MPPED1: variants seen among roughly 807,000 people sequenced by gnomAD.
MPPED1 encodes metallophosphoesterase domain-containing protein 1.
In MPPED1, 16 loss-of-function variants were observed where a neutral mutation model predicts 36.2. That is an observed-to-expected ratio of 0.44 (90% CI 0.30 to 0.67). MPPED1 has a LOEUF of 0.67. MPPED1 is among the 30% of genes least tolerant of loss of function. The pLI, the probability that MPPED1 is intolerant of heterozygous loss-of-function variation, is 0.10. For synonymous variants in MPPED1, 199 were observed against 191.3 expected, an observed-to-expected ratio of 1.04 and a Z score of -0.33; for missense variants, 307 against 453.4, an observed-to-expected ratio of 0.68 and a Z score of 2.93.
intron 4 of MPPED1, among the ~76,000 whole-genome samples, chr22:43,476,788 G>A (rs1482062673): frequency 2.0e-5 from 3 of 152,146 alleles, no homozygotes; most frequent in South Asian, 2.1e-4. Flanking sequence ...CTGGGCACTT[G>A]AGGATGTGAT....
chr22:43,440,879 C>T (rs1930126632), intron 3 of MPPED1, among the ~76,000 whole-genome samples: 1 of 152,188 alleles, frequency 6.6e-6, no homozygotes, highest in Admixed American at 6.5e-5. Flanking sequence ...GGTTCTGCCA[C>T]AGGCTCCATG....
chr22:43,414,337 C>T (rs1055316784), intron 1 of MPPED1, among the ~76,000 whole-genome samples: 2 of 152,094 alleles, frequency 1.3e-5, no homozygotes, highest in African/African-American at 4.8e-5. Flanking sequence ...ACACATCTCT[C>T]TCTGCTTGTT....
intron 4 of MPPED1, among the ~76,000 whole-genome samples, chr22:43,497,929 G>GTA (rs746068497): frequency 0.012 from 571 of 48,750 alleles, 21 homozygotes; most frequent in East Asian, 0.11. Context: ...ATATATATAT[G>GTA]TATATGTATA....
intron 3 of MPPED1, among the ~76,000 whole-genome samples, chr22:43,452,749 T>C (rs1382527931): frequency 1.3e-5 from 2 of 151,596 alleles, no homozygotes; most frequent in Non-Finnish European, 2.9e-5. Context: ...CCACGTCAGC[T>C]TCCCAAGTAG....
chr22:43,416,547 A>G (rs1929080994), intron 1 of MPPED1: 1 of 152,126 alleles, frequency 6.6e-6, no homozygotes, highest in African/African-American at 2.4e-5. Flanking sequence ...GTTGAGTGTG[A>G]CTTGATATAT....
intron 6 of MPPED1, among the ~76,000 whole-genome samples, chr22:43,505,138 T>C (rs1419192427): frequency 6.6e-6 from 1 of 150,770 alleles, no homozygotes; most frequent in African/African-American, 2.5e-5. Context: ...ACGATAAGGG[T>C]GGTGGTGATG....
chr22:43,413,622 G>A (rs762099399), intron 1 of MPPED1, among the ~76,000 whole-genome samples: 3 of 152,210 alleles, frequency 2.0e-5, no homozygotes, highest in Non-Finnish European at 4.4e-5. Flanking sequence ...CAGTCTGCAG[G>A]GGCCCTCTGT....
intron 3 of MPPED1, among the ~76,000 whole-genome samples, chr22:43,467,538 C>T (rs960898836): frequency 1.7e-4 from 26 of 152,240 alleles, no homozygotes; most frequent in Admixed American, 4.6e-4. Context: ...CAAGACCCCA[C>T]GGTGGCTCAC....
chr22:43,445,558 CTTTTTT>C (rs135055), intron 3 of MPPED1, among the ~76,000 whole-genome samples: 1 of 123,912 alleles, frequency 8.1e-6, no homozygotes, highest in Admixed American at 8.7e-5. Flanking sequence ...CTGATGTTTC[CTTTTTT>C]TTTTTTTTTT....
chr22:43,433,324 C>A (rs1341640083), intron 2 of MPPED1, among the ~76,000 whole-genome samples: 1 of 152,170 alleles, frequency 6.6e-6, no homozygotes, highest in East Asian at 1.9e-4. Context: ...TCTGCTGCCA[C>A]CATCAGTCCC....
chr22:43,436,272 TG>T (rs1929956342), intron 3 of MPPED1, among the ~76,000 whole-genome samples: 1 of 152,228 alleles, frequency 6.6e-6, no homozygotes, highest in South Asian at 2.1e-4. Context: ...CGTGGAGGCG[TG>T]GGTGCGGGGC....
intron 3 of MPPED1, among the ~76,000 whole-genome samples, chr22:43,453,245 C>T (rs140820882): frequency 0.013 from 2,014 of 152,192 alleles, 66 homozygotes; most frequent in African/African-American, 0.046. Context: ...CCACTGTGCC[C>T]GGCCAGTCTT....
chr22:43,418,147 C>T (rs1331990079), intron 1 of MPPED1: 1 of 456,186 alleles, frequency 2.2e-6, no homozygotes, highest in African/African-American at 2.0e-5. Flanking sequence ...CCTTACCGGC[C>T]TGGCACTGGC....
intron 4 of MPPED1, among the ~76,000 whole-genome samples, chr22:43,485,986 C>G (rs1325123027): frequency 6.6e-6 from 1 of 152,246 alleles, no homozygotes; most frequent in Non-Finnish European, 1.5e-5. Context: ...TGCTGTCCAT[C>G]TCCCCCAGCC....
chr22:43,496,306 A>G (rs954133034), intron 4 of MPPED1, among the ~76,000 whole-genome samples: 177 of 3,786 alleles, frequency 0.047, no homozygotes, highest in Middle Eastern at 0.25. Flanking sequence ...TGGTGGAGGT[A>G]GTGGTGGCGG....
At chr22:43,413,911 A>G (rs1928991823) in intron 1 of MPPED1, among the ~76,000 whole-genome samples, 1 of 152,142 alleles carries the variant, frequency 6.6e-6, no homozygotes, top group Non-Finnish European at 1.5e-5. Context: ...GGAATTTCGG[A>G]AGACCTGGAT....
At chr22:43,454,048 G>A (rs566010059) in intron 3 of MPPED1, among the ~76,000 whole-genome samples, 3 of 151,788 alleles carry the variant, frequency 2.0e-5, no homozygotes, top group East Asian at 1.9e-4. Flanking sequence ...TCGCTCTGTC[G>A]CCCAGGCTGG....
At chr22:43,470,359 A>G (rs1569080387) in intron 3 of MPPED1, among the ~76,000 whole-genome samples, 1 of 152,018 alleles carries the variant, frequency 6.6e-6, no homozygotes, top group African/African-American at 2.4e-5. Flanking sequence ...GCATCTATAT[A>G]TCTATCCATC....
rs751399577 is a variant in MPPED1, at chr22:43,502,637, A to T, written c.749-7A>T. On this transcript the variant is annotated splice_region_variant and splice_polypyrimidine_tract_variant and intron_variant, in intron 5 of 6. Transcript: ENST00000443721. The surrounding 1 kb of genome is among the most constrained non-coding windows in gnomAD (Gnocchi z 5.5). ...GTCATGGCCTCCTGTTGTCTCCCCC[A>T]TACCAGGCTTCCTGGACTGGGTCCC... The T allele has an allele frequency of 6.2e-7, 1 of 1,612,426 alleles. No homozygotes were observed. Among genetic ancestry groups the T allele is most frequent in the Non-Finnish European group, 8.5e-7 (1 of 1,179,202 alleles).
Sources: gnomAD v4.1 joint callset for allele counts (sites outside exome capture counted in the v4.1 genomes callset) on GRCh38, gnomAD v4.1.1 for gene constraint, Gnocchi (gnomAD v3.1) non-coding constraint, MANE v1.5 for transcripts, NCBI Gene and HGNC (gene_info 2026-07-23, HGNC 2026-07-21) for gene names.